The following IL20RA variants were observed in gnomAD, a reference collection of about 807,000 sequenced individuals.
IL20RA encodes interleukin-20 receptor subunit alpha.
IL20RA carries 29 observed loss-of-function variants against 36.5 expected under a neutral mutation model. The observed-to-expected ratio is 0.79, with a 90% CI of 0.59 to 1.08. The LOEUF (loss-of-function observed/expected upper bound fraction) is 1.08, where lower values mean the gene tolerates loss of function less well. Ranked by LOEUF, IL20RA falls within the 50% of genes least tolerant of loss-of-function variation. The pLI, the probability that IL20RA is intolerant of heterozygous loss-of-function variation, is 0.00. For synonymous variants in IL20RA, 279 were observed against 267.1 expected, an observed-to-expected ratio of 1.04 and a Z score of -0.43; for missense variants, 652 against 668.4, an observed-to-expected ratio of 0.98 and a Z score of 0.27.
intron 1 of IL20RA, among the ~76,000 whole-genome samples, chr6:137,038,930 G>A (rs1469035961): frequency 1.3e-5 from 2 of 152,096 alleles, no homozygotes; most frequent in Non-Finnish European, 2.9e-5. Flanking sequence ...GAGATATACA[G>A]TTTCATTAAA....
Position 137,028,414 on chromosome 6 carries a change from T to TA in IL20RA, c.89-11312dup, listed in dbSNP as rs36068116. On this transcript the variant is annotated intron_variant, in intron 1 of 6. Transcript: ENST00000316649. ...CTGGGTGACAGAGTGAGACTCCATC[T>TA]AAAAAAAAAAAAAAAAAAAAGAAAT... Among the ~76,000 whole-genome samples the TA allele has an allele frequency of 8.8e-4, 103 of 117,260 alleles. 1 individual carries two copies. The highest frequency in any genetic ancestry group is 3.1e-3 in the African/African-American group (95 of 30,616). 76.9% of individuals were successfully genotyped at this position (117,260 alleles called of 152,430 possible).
Position 137,044,898 on chromosome 6 carries a change from TC to T in IL20RA, c.-171del. ...CCGCCACAGCCGCGTCCCCCAGGCT[TC>T]CCCAGAAACCAAGGGCGAGCGACTC... On this transcript the variant is annotated 5_prime_UTR_variant, in exon 1 of 7. Coordinates refer to ENST00000316649, the MANE Select transcript of IL20RA (RefSeq NM_014432.4). 3.7e-6 allele frequency: 2 copies of T among 545,360 alleles called. No homozygotes were observed. The highest frequency in any genetic ancestry group is 5.3e-6 in the Non-Finnish European group (2 of 375,468). 33.8% of individuals were successfully genotyped at this position (545,360 alleles called of 1,614,324 possible). A position where few individuals can be genotyped will look rare whatever the true frequency, so the allele number is the denominator to read the frequency against.
intron 1 of IL20RA, among the ~76,000 whole-genome samples, chr6:137,039,356 C>T (rs1776599414): frequency 1.3e-5 from 2 of 152,096 alleles, no homozygotes; most frequent in South Asian, 4.1e-4. Flanking sequence ...TGGGGCTGGG[C>T]CTCAAGCTGA....
chr6:137,018,460 A>C (rs1716607168), intron 1 of IL20RA, among the ~76,000 whole-genome samples: 1 of 150,352 alleles, frequency 6.7e-6, no homozygotes, highest in Admixed American at 6.7e-5. Flanking sequence ...ATTTTGTTTT[A>C]TTTTTTTAAA....
chr6:137,020,852 T>C (rs1775873936), intron 1 of IL20RA, among the ~76,000 whole-genome samples: 1 of 152,214 alleles, frequency 6.6e-6, no homozygotes, highest in Non-Finnish European at 1.5e-5. Flanking sequence ...TCCTTTGGAT[T>C]GACGTTATCT....
Position 137,044,949 on chromosome 6 carries a change from C to G in IL20RA, c.-221G>C, listed in dbSNP as rs1253403651. On this transcript the variant is annotated 5_prime_UTR_variant, in exon 1 of 7. Transcript: ENST00000316649. ...CGCGGAGCCCCCACGCGCGCTCCCC[C>G]GGCTACCCAGCTGGATGGCAGCGCG... is the stretch of plus-strand genomic sequence containing the variant. 6 of 343,918 alleles carry G rather than the reference C, an allele frequency of 1.7e-5. No homozygotes were observed. The highest frequency in any genetic ancestry group is 2.6e-5 in the Non-Finnish European group (5 of 195,490). 21.3% of individuals were successfully genotyped at this position (343,918 alleles called of 1,614,324 possible). A position where few individuals can be genotyped will look rare whatever the true frequency, so the allele number is the denominator to read the frequency against.
rs552319508 is a variant in IL20RA, at chr6:137,028,276, G to T, written c.89-11173C>A. 5.9e-5 allele frequency among the ~76,000 whole-genome samples: 9 copies of T among 152,166 alleles called. No homozygotes were observed. The East Asian group carries it at 1.5e-3, about 26-fold the overall frequency. ...CTATTAAAATTACAAAAATTAGCTG[G>T]GCATGGTGGCGTGCCCCTGTAGTCC... On this transcript the variant is annotated intron_variant, in intron 1 of 6. Coordinates refer to ENST00000316649, the MANE Select transcript of IL20RA (RefSeq NM_014432.4).
chr6:137,018,235 T>C (rs1411145270), intron 1 of IL20RA, among the ~76,000 whole-genome samples: 3 of 152,234 alleles, frequency 2.0e-5, no homozygotes, highest in Non-Finnish European at 4.4e-5. Context: ...AAAGGAATTA[T>C]GTGTGAGGTA....
intron 1 of IL20RA, among the ~76,000 whole-genome samples, chr6:137,021,233 A>G (rs553711908): frequency 3.9e-5 from 6 of 152,260 alleles, no homozygotes; most frequent in African/African-American, 1.2e-4. Context: ...ATCAATGGAA[A>G]TAGATGGTTC....
At chr6:137,029,711 C>CA (rs1562240131) in intron 1 of IL20RA, among the ~76,000 whole-genome samples, 2 of 152,024 alleles carry the variant, frequency 1.3e-5, no homozygotes, top group African/African-American at 4.8e-5. Context: ...CAAAGACAAA[C>CA]TGTTTGGGAC....
chr6:137,004,566 GTCC>G, intron 6 of IL20RA, 52 bp downstream of exon 6: 2 of 1,505,454 alleles, frequency 1.3e-6, no homozygotes, highest in Non-Finnish European at 1.8e-6. Context: ...CTCCTCTTCT[GTCC>G]TCCTGGAGGT....
At chr6:137,004,844 G>T in intron 5 of IL20RA, 84 bp from the exon 6 acceptor site, 1 of 1,269,210 alleles carries the variant, frequency 7.9e-7, no homozygotes, top group Non-Finnish European at 1.1e-6. Context: ...ACCTCGTATC[G>T]TTAAGCTGCT....
Position 137,001,355 on chromosome 6 carries a change from G to C in IL20RA, c.*203C>G, listed in dbSNP as rs1196225833. On this transcript the variant is annotated 3_prime_UTR_variant, in exon 7 of 7. Transcript: ENST00000316649. The stretch of plus-strand genomic sequence containing the variant: ...ACAACCGGCCAGCCCCTGGACTCCA[G>C]AGGCCCACCATCATTGTTAAGAGAC... The C allele has an allele frequency of 6.6e-6, 3 of 452,174 alleles. No individual in the cohort carries two copies. The highest frequency in any genetic ancestry group is 1.2e-5 in the Non-Finnish European group (3 of 259,732). The allele number at this position is 452,174 out of a possible 1,614,324, so 28.0% of individuals were successfully genotyped here. A position where few individuals can be genotyped will look rare whatever the true frequency, so the allele number is the denominator to read the frequency against.
At position 137,009,344 on chromosome 6, in the gene IL20RA, A is replaced by T. The variant is rs750100276; in HGVS notation, c.552T>A (p.Ser184=). The T allele has an allele frequency of 6.2e-7, 1 of 1,613,866 alleles. No homozygotes were observed. The highest frequency in any genetic ancestry group is 1.1e-5 in the South Asian group (1 of 91,074). ...QIYSNLKYNV[S]VLNTKSNRTW... ...TTCTGTTTGATTTAGTATTCAACAC[A>T]GACACGTTATACTTCAGATTGGAGT... Residue 184 remains serine, a synonymous_variant, in exon 4 of 7, where the codon TCT becomes TCA. Transcript: ENST00000316649.
intron 1 of IL20RA, among the ~76,000 whole-genome samples, chr6:137,021,904 T>C (rs1176670476): frequency 6.6e-6 from 1 of 152,134 alleles, no homozygotes; most frequent in Non-Finnish European, 1.5e-5. Flanking sequence ...AACAGCCCTA[T>C]GGTAGGTACT....
Position 137,001,737 on chromosome 6 carries a change from A to C in IL20RA, c.1483T>G (p.Ser495Ala), listed in dbSNP as rs1376163968. The change falls in exon 7 of 7, where the codon TCC (serine) becomes GCC (alanine). Residue 495 changes from serine to alanine, a missense_variant. By Grantham distance (99) the Ser-to-Ala change is moderately conservative. Coordinates refer to ENST00000316649, the MANE Select transcript of IL20RA (RefSeq NM_014432.4). Reference sequence around the variant, plus strand: ...CCCTCTGAATCCTGGTCGAAGCTGGACAGCGAAGGAATACACAGCCTGCCA... The same window carrying C: ...CCCTCTGAATCCTGGTCGAAGCTGGCCAGCGAAGGAATACACAGCCTGCCA... The part of the protein sequence containing the change: ...QTGRLCIPSL[S>A]SFDQDSEGCE... 1 of 1,613,688 alleles carries C rather than the reference A, an allele frequency of 6.2e-7. No individual in the cohort carries two copies. Among genetic ancestry groups the C allele is most frequent in the Admixed American group, 1.7e-5 (1 of 59,994 alleles).
At position 137,044,860 on chromosome 6, in the gene IL20RA, T is replaced by G. The variant is rs375742734; in HGVS notation, c.-132A>C. 1.0e-4 allele frequency: 84 copies of G among 841,604 alleles called. No individual in the cohort carries two copies. In the African/African-American group the frequency reaches 1.4e-3, roughly 14 times the overall value. The allele number at this position is 841,604 out of a possible 1,614,324, so 52.1% of individuals were successfully genotyped here. On this transcript the variant is annotated 5_prime_UTR_variant, in exon 1 of 7. Coordinates refer to ENST00000316649, the MANE Select transcript of IL20RA (RefSeq NM_014432.4). ...CGTGCCACGCTCCAGGCGACCTGAG[T>G]CCCAGGGCGCCTCCGCCACAGCCGC...
chr6:137,001,770 G>T lies in IL20RA; in HGVS notation c.1450C>A (p.Pro484Thr), dbSNP rs764907151. Residue 484 changes from proline (P) to threonine (T), a missense_variant, in exon 7 of 7, where the codon CCC becomes ACC. Transcript: ENST00000316649. Reference sequence around the variant, plus strand: ...GGAATACACAGCCTGCCAGTTTGGGGATCCCAGTCGACCAGGGTCGTCGAT... The same window carrying T: ...GGAATACACAGCCTGCCAGTTTGGGTATCCCAGTCGACCAGGGTCGTCGAT... ...EPSTTLVDWD[P>T]QTGRLCIPSL... 4 of 1,612,328 alleles carry T rather than the reference G, an allele frequency of 2.5e-6. No homozygotes were observed. Among genetic ancestry groups the T allele is most frequent in the East Asian group, 2.2e-5 (1 of 44,838 alleles).
At chr6:137,014,727 T>C (rs1386606103) in intron 2 of IL20RA, among the ~76,000 whole-genome samples, 2 of 152,154 alleles carry the variant, frequency 1.3e-5, no homozygotes, top group Non-Finnish European at 2.9e-5. Context: ...CCTTATATTA[T>C]TGTTTAAATT....
Sources: allele counts gnomAD v4.1 joint callset (sites outside exome capture counted in the v4.1 genomes callset), GRCh38; gene constraint gnomAD v4.1.1; transcripts MANE v1.5; gene names NCBI Gene and HGNC (gene_info 2026-07-23, HGNC 2026-07-21).